Variants in CSNK1G2 observed in about 807,000 individuals in gnomAD.
The protein encoded by CSNK1G2 is casein kinase 1 gamma 2.
In CSNK1G2, 11 loss-of-function variants were observed where a neutral mutation model predicts 48.0. That is an observed-to-expected ratio of 0.23 (90% CI 0.14 to 0.38). CSNK1G2 has a LOEUF of 0.38. Ranked by LOEUF, CSNK1G2 falls within the 10% of genes least tolerant of loss-of-function variation. The probability of loss-of-function intolerance (pLI) is 1.00; values close to 1 mark genes in which losing one functional copy is unlikely to be tolerated. For synonymous variants in CSNK1G2, 337 were observed against 254.1 expected, an observed-to-expected ratio of 1.33 and a Z score of -3.10; for missense variants, 446 against 595.5, an observed-to-expected ratio of 0.75 and a Z score of 2.61.
chr19:1,942,720 C>T (rs569082540), intron 1 of CSNK1G2: 1 of 152,260 alleles, frequency 6.6e-6, no homozygotes, highest in East Asian at 1.9e-4. Context: ...ATGGAAGCAC[C>T]CCGGGCTACT....
In CSNK1G2 at chr19:1,978,501, C is replaced by T. The variant is rs1296879868; in HGVS notation, c.288C>T (p.Leu96=). The T allele has an allele frequency of 6.3e-7, 1 of 1,592,658 alleles. No individual in the cohort carries two copies. The highest frequency in any genetic ancestry group is 8.5e-7 in the Non-Finnish European group (1 of 1,170,580). ...LHLEYRFYKQ[L]SATEGVPQVY... ...TGGAGTACCGGTTCTACAAGCAGCT[C>T]AGCGCCACAGGTACCGGGCGGCCCG... The change falls in exon 4 of 12, where the codon CTC becomes CTT. Residue 96 remains leucine (L), a synonymous_variant. Coordinates refer to ENST00000255641, the MANE Select transcript of CSNK1G2 (RefSeq NM_001319.7). This position sits in a 1 kb window ranked among gnomAD's most constrained non-coding sequence, Gnocchi z 7.3.
intron 1 of CSNK1G2, among the ~76,000 whole-genome samples, chr19:1,945,305 G>T (rs902790009): frequency 6.6e-6 from 1 of 152,200 alleles, no homozygotes; most frequent in Non-Finnish European, 1.5e-5. Context: ...GGCGGCCCTG[G>T]CCCCCGGTGC....
At chr19:1,951,354 G>A (rs1209491110) in intron 1 of CSNK1G2, among the ~76,000 whole-genome samples, 3 of 144,346 alleles carry the variant, frequency 2.1e-5, no homozygotes, top group Non-Finnish European at 4.5e-5. Flanking sequence ...AGTGAGCCGA[G>A]ATCGCACCAC....
intron 1 of CSNK1G2, among the ~76,000 whole-genome samples, chr19:1,948,664 A>G (rs564326102): frequency 1.2e-4 from 18 of 152,256 alleles, no homozygotes; most frequent in Non-Finnish European, 2.5e-4. Context: ...ACGTTTGGTA[A>G]AATTCGGCAA....
chr19:1,971,017 CTGTGGCGGCCTGGACCCCAGGCATGTTT>C (rs2015551034), intron 2 of CSNK1G2, among the ~76,000 whole-genome samples: 1 of 152,230 alleles, frequency 6.6e-6, no homozygotes. Flanking sequence ...GGAGCATGGG[CTGTGGCGGCCTGGACCCCAGGCATGTTT>C]TGTGGCCCTG....
intron 2 of CSNK1G2, among the ~76,000 whole-genome samples, chr19:1,973,502 A>AC (rs1225465929): frequency 6.6e-6 from 1 of 152,196 alleles, no homozygotes; most frequent in Non-Finnish European, 1.5e-5. Context: ...GGGCCACCAT[A>AC]CCCAGCCTTG....
At chr19:1,960,762 G>A (rs2145544768) in intron 1 of CSNK1G2, among the ~76,000 whole-genome samples, 1 of 152,216 alleles carries the variant, frequency 6.6e-6, no homozygotes. Flanking sequence ...GGTGGCACAT[G>A]CCTCTAATCA....
chr19:1,970,604 C>T (rs2015534686), intron 2 of CSNK1G2, among the ~76,000 whole-genome samples: 2 of 152,188 alleles, frequency 1.3e-5, no homozygotes, highest in African/African-American at 4.8e-5. Flanking sequence ...GACCATCAGG[C>T]CTGGGGGAGC....
Position 1,980,486 on chromosome 19 carries a change from G to C in CSNK1G2, c.*283G>C, listed in dbSNP as rs2145604163. 2 of 491,008 alleles carry C rather than the reference G, an allele frequency of 4.1e-6. No homozygotes were observed. Among genetic ancestry groups the C allele is most frequent in the Non-Finnish European group, 7.3e-6 (2 of 273,220 alleles). The allele number at this position is 491,008 out of a possible 1,614,324, so 30.4% of individuals were successfully genotyped here. The stretch of plus-strand genomic sequence containing the variant: ...CAAGGAAAAGAGGAAAAAAAAAACA[G>C]AGGCCCGCCCTACCCCACTCCTGCC... On this transcript the variant is annotated 3_prime_UTR_variant, in exon 12 of 12. Transcript: ENST00000255641.
At chr19:1,975,389 G>A (rs1021140344) in intron 2 of CSNK1G2, 1 of 985,380 alleles carries the variant, frequency 1.0e-6, no homozygotes, top group African/African-American at 1.7e-5. Context: ...CGGAGAAGGG[G>A]ACGGCTGCCC....
chr19:1,961,280 C>T (rs2015190851), intron 1 of CSNK1G2, among the ~76,000 whole-genome samples: 1 of 152,196 alleles, frequency 6.6e-6, no homozygotes, highest in African/African-American at 2.4e-5. Flanking sequence ...ATGGCCAGAA[C>T]CTGGCCGTGG....
At chr19:1,961,684 C>G (rs534143029) in intron 1 of CSNK1G2, among the ~76,000 whole-genome samples, 1 of 152,240 alleles carries the variant, frequency 6.6e-6, no homozygotes, top group Non-Finnish European at 1.5e-5. Context: ...CTACGTCTCA[C>G]AGATCCCTCT....
intron 1 of CSNK1G2, among the ~76,000 whole-genome samples, chr19:1,949,046 A>G (rs904137547): frequency 2.0e-5 from 3 of 152,236 alleles, no homozygotes; most frequent in African/African-American, 7.2e-5. Context: ...CTCGGGTGGC[A>G]GAGCGGGAAG....
intron 1 of CSNK1G2, chr19:1,953,262 G>T: frequency 2.5e-6 from 1 of 406,316 alleles, no homozygotes. Context: ...CTGCCCCCCT[G>T]GCAAGACCAG....
rs539820319 is a variant in CSNK1G2 at position 1,978,579 on chromosome 19, C to T, written c.299-23C>T. The T allele has an allele frequency of 1.1e-5, 18 of 1,578,800 alleles. No individual in the cohort carries two copies. In the East Asian group the frequency reaches 2.3e-4, roughly 20 times the overall value. Reference sequence around the variant, plus strand: ...AGGGAGGGGGCTGCCGCCGCACGCCCGTGCGTCTGTCCTCCGCCGCAGAGG... The same window carrying T: ...AGGGAGGGGGCTGCCGCCGCACGCCTGTGCGTCTGTCCTCCGCCGCAGAGG... On this transcript the variant is annotated intron_variant, in intron 4 of 11. Coordinates refer to ENST00000255641, the MANE Select transcript of CSNK1G2 (RefSeq NM_001319.7). The surrounding 1 kb of genome is among the most constrained non-coding windows in gnomAD (Gnocchi z 7.3).
chr19:1,958,013 C>T (rs1269806238), intron 1 of CSNK1G2, among the ~76,000 whole-genome samples: 1 of 152,060 alleles, frequency 6.6e-6, no homozygotes, highest in African/African-American at 2.4e-5. Flanking sequence ...GTCCGGAAGC[C>T]GGGTGTTGGG....
In CSNK1G2 at chr19:1,979,229, T is replaced by TC; in HGVS notation, c.753dup (p.Trp252LeufsTer55). On this transcript the variant is annotated frameshift_variant, in exon 7 of 12. Coordinates refer to ENST00000255641, the MANE Select transcript of CSNK1G2 (RefSeq NM_001319.7). LOFTEE classifies it high-confidence loss of function. ...TTCATGTACTTCCTGCGCGGCAGCC[T>TC]CCCCTGGCAGGGGCTCAAGGTGGGC... The TC allele has an allele frequency of 6.4e-7, 1 of 1,553,262 alleles. No homozygotes were observed. The highest frequency in any genetic ancestry group is 2.4e-5 in the East Asian group (1 of 41,558).
rs568567693 is a variant in CSNK1G2 at position 1,958,275 on chromosome 19, G to A, written c.-265-11233G>A. On this transcript the variant is annotated intron_variant, in intron 1 of 11. Coordinates refer to ENST00000255641, the MANE Select transcript of CSNK1G2 (RefSeq NM_001319.7). ...TGGTTCCCAGAGGCCGCTGGGCCTC[G>A]CTTCGTCCTTTTTGGGCAGCGAGTG... is the stretch of plus-strand genomic sequence containing the variant. Among the ~76,000 whole-genome samples the A allele has an allele frequency of 5.3e-5, 8 of 152,094 alleles. No individual in the cohort carries two copies. The East Asian group carries it at 1.2e-3, about 22-fold the overall frequency.
chr19:1,946,557 C>T lies in CSNK1G2; in HGVS notation c.-266+5139C>T, dbSNP rs372087592. 6.0e-5 allele frequency among the ~76,000 whole-genome samples: 9 copies of T among 149,740 alleles called. No individual in the cohort carries two copies. The East Asian group carries it at 1.8e-3, about 29-fold the overall frequency. On this transcript the variant is annotated intron_variant, in intron 1 of 11. Coordinates refer to ENST00000255641, the MANE Select transcript of CSNK1G2 (RefSeq NM_001319.7). ...CTGCCCGCCTCGGCCTCCCAAAGTGCTGGGATTACAGGCGTGAGCCACCGC... is the reference window on the plus strand; with the variant it reads ...CTGCCCGCCTCGGCCTCCCAAAGTGTTGGGATTACAGGCGTGAGCCACCGC...
Sources: allele counts gnomAD v4.1 joint callset (sites outside exome capture counted in the v4.1 genomes callset), GRCh38; gene constraint gnomAD v4.1.1; non-coding constraint Gnocchi (gnomAD v3.1); transcripts MANE v1.5; gene names NCBI Gene and HGNC (gene_info 2026-07-23, HGNC 2026-07-21).